INSYN2A: variants seen among roughly 807,000 people sequenced by gnomAD.
The protein encoded by INSYN2A is family with sequence similarity 196 member A.
A neutral mutation model predicts 39.4 loss-of-function variants in INSYN2A; 17 were observed. The ratio of observed to expected loss-of-function variants is 0.43; its 90% confidence interval spans 0.30 to 0.65. INSYN2A has a LOEUF of 0.65. Among genes scored for constraint, INSYN2A ranks in the 30% least tolerant of loss-of-function variants. The pLI is 0.14. For missense variants in INSYN2A, 595 were observed against 631.2 expected, an observed-to-expected ratio of 0.94 and a Z score of 0.61; for synonymous variants, 255 against 265.7, an observed-to-expected ratio of 0.96 and a Z score of 0.39.
intron 4 of INSYN2A, among the ~76,000 whole-genome samples, chr10:127,161,880 T>C (rs1323750787): frequency 1.3e-5 from 2 of 152,126 alleles, no homozygotes; most frequent in Non-Finnish European, 2.9e-5. Flanking sequence ...ATTGAGAAGG[T>C]GTCTTTGTCT....
intron 4 of INSYN2A, among the ~76,000 whole-genome samples, chr10:127,160,738 A>G (rs747024326): frequency 7.9e-5 from 12 of 152,216 alleles, no homozygotes; most frequent in Non-Finnish European, 1.8e-4. Context: ...TTGCAGATAT[A>G]AAAAAGGCAT....
At position 127,176,125 on chromosome 10, in the gene INSYN2A, G is replaced by A. The variant is rs928320163; in HGVS notation, c.271C>T (p.Pro91Ser). ...ACGTTGGGGATGGACCTGCGTGCGG[G>A]CACTGTCATGTATTTGCGGTAGGCT... ...RAAYRKYMTV[P>S]ARRSIPNVTK... is the part of the protein sequence containing the mutation. Residue 91 changes from proline (P) to serine (S), a missense_variant, in exon 4 of 6, where the codon CCC becomes TCC. By Grantham distance (74) the Pro-to-Ser change is moderately conservative (BLOSUM62 -1). This residue lies in a region of INSYN2A where 478 missense variants were observed against 467.4 expected (regional missense o/e 1.02). Transcript: ENST00000522781. This position sits in a 1 kb window ranked among gnomAD's most constrained non-coding sequence, Gnocchi z 4.4. 6.2e-7 allele frequency: 1 copy of A among 1,614,124 alleles called. No homozygotes were observed. Among genetic ancestry groups the A allele is most frequent in the East Asian group, 2.2e-5 (1 of 44,840 alleles).
At chr10:127,184,758 T>C (rs2056070552) in intron 2 of INSYN2A, among the ~76,000 whole-genome samples, 1 of 152,178 alleles carries the variant, frequency 6.6e-6, no homozygotes, top group African/African-American at 2.4e-5. Flanking sequence ...CTTCCACTGG[T>C]TCATTTTCCA....
chr10:127,151,678 A>T (rs2052498532), intron 5 of INSYN2A, among the ~76,000 whole-genome samples: 1 of 152,184 alleles, frequency 6.6e-6, no homozygotes, highest in African/African-American at 2.4e-5. Flanking sequence ...ATGAGTAGTC[A>T]TGCATTTTCC....
chr10:127,174,367 A>G (rs556373207), intron 4 of INSYN2A, among the ~76,000 whole-genome samples: 1 of 152,188 alleles, frequency 6.6e-6, no homozygotes, highest in Non-Finnish European at 1.5e-5. Context: ...AGAGTAGAAC[A>G]GGCTGCTTTG....
At chr10:127,172,041 G>A (rs534030893) in intron 4 of INSYN2A, among the ~76,000 whole-genome samples, 1 of 152,288 alleles carries the variant, frequency 6.6e-6, no homozygotes, top group Admixed American at 6.5e-5. Context: ...TGAGTTCATT[G>A]TCGTATCATA....
intron 4 of INSYN2A, among the ~76,000 whole-genome samples, chr10:127,167,927 G>A (rs1172057532): frequency 6.6e-6 from 1 of 152,178 alleles, no homozygotes; most frequent in Non-Finnish European, 1.5e-5. Context: ...TTGGAGGGTT[G>A]CTTCCCAGTA....
intron 5 of INSYN2A, among the ~76,000 whole-genome samples, chr10:127,149,987 C>T (rs2052331310): frequency 6.6e-6 from 1 of 152,158 alleles, no homozygotes; most frequent in Non-Finnish European, 1.5e-5. Context: ...GCTATACTTT[C>T]CCCTGCTGCT....
At chr10:127,143,241 T>G (rs2051449067) in intron 5 of INSYN2A, among the ~76,000 whole-genome samples, 1 of 152,212 alleles carries the variant, frequency 6.6e-6, no homozygotes, top group African/African-American at 2.4e-5. Context: ...GACAATCTGG[T>G]GCCCCGGAGC....
At chr10:127,184,462 G>C (rs983864473) in intron 2 of INSYN2A, among the ~76,000 whole-genome samples, 34 of 151,674 alleles carry the variant, frequency 2.2e-4, no homozygotes, top group African/African-American at 8.0e-4. Context: ...CCTGCCCTCA[G>C]CTCTCCATTC....
In INSYN2A at chr10:127,168,458, CTT is replaced by C. The variant is rs1378675250; in HGVS notation, c.1184+6752_1184+6753del. On this transcript the variant is annotated intron_variant, in intron 4 of 5. Coordinates refer to ENST00000522781, the MANE Select transcript of INSYN2A (RefSeq NM_001039762.3). ...TCTCTCTGCTGCTCACAATGCCCTGCTTTTCTGTGATGCATCTGGCCAGAGCC... is the reference window on the plus strand; with the variant it reads ...TCTCTCTGCTGCTCACAATGCCCTGCTTCTGTGATGCATCTGGCCAGAGCC... 2.6e-5 allele frequency among the ~76,000 whole-genome samples: 4 copies of C among 152,246 alleles called. No homozygotes were observed. In the East Asian group the frequency reaches 7.7e-4, roughly 29 times the overall value.
At chr10:127,138,345 T>A (rs2050891176) in intron 5 of INSYN2A, among the ~76,000 whole-genome samples, 1 of 152,182 alleles carries the variant, frequency 6.6e-6, no homozygotes, top group Non-Finnish European at 1.5e-5. Context: ...TCTGTTCACA[T>A]GGGCCTCATG....
intron 2 of INSYN2A, among the ~76,000 whole-genome samples, chr10:127,183,620 G>A (rs914595611): frequency 5.3e-5 from 8 of 152,030 alleles, no homozygotes; most frequent in South Asian, 4.2e-4. Flanking sequence ...TAATCTTCTC[G>A]GCCCTCATAC....
chr10:127,149,464 G>A (rs563056974), intron 5 of INSYN2A, among the ~76,000 whole-genome samples: 11 of 152,154 alleles, frequency 7.2e-5, no homozygotes, highest in Non-Finnish European at 1.2e-4. Flanking sequence ...AATATGTACC[G>A]CCTCCCATGG....
chr10:127,195,422 C>G (rs1192420991), intron 1 of INSYN2A, among the ~76,000 whole-genome samples: 2 of 152,120 alleles, frequency 1.3e-5, no homozygotes, highest in Non-Finnish European at 2.9e-5. Flanking sequence ...GTGCCAACCC[C>G]AGCGAGTGGA....
In INSYN2A at chr10:127,175,105, C is replaced by A; in HGVS notation, c.1184+107G>T. The A allele has an allele frequency of 1.0e-6, 1 of 990,204 alleles. No homozygotes were observed. The highest frequency in any genetic ancestry group is 1.5e-6 in the Non-Finnish European group (1 of 652,182). 61.3% of individuals were successfully genotyped at this position (990,204 alleles called of 1,614,324 possible). On this transcript the variant is annotated intron_variant, in intron 4 of 5. Coordinates refer to ENST00000522781, the MANE Select transcript of INSYN2A (RefSeq NM_001039762.3). This position sits in a 1 kb window ranked among gnomAD's most constrained non-coding sequence, Gnocchi z 6.3. The stretch of plus-strand genomic sequence containing the variant: ...ACGCCCTTAGACTATGACCTGTTTA[C>A]GGAAATGCTGGCTTTAGTCTCATTA...
chr10:127,143,983 C>A (rs150708256), intron 5 of INSYN2A, among the ~76,000 whole-genome samples: 108 of 152,302 alleles, frequency 7.1e-4, no homozygotes, highest in African/African-American at 2.5e-3. Flanking sequence ...CCCTGGATGA[C>A]TGCAGACCCT....
At chr10:127,154,051 A>G (rs1287763798) in intron 4 of INSYN2A, 128 bp from the exon 5 acceptor site, 1 of 678,290 alleles carries the variant, frequency 1.5e-6, no homozygotes, top group Non-Finnish European at 2.7e-6. Context: ...TGATTAATGC[A>G]TGCTTCCCAG....
At chr10:127,140,928 C>T (rs1186473880) in intron 5 of INSYN2A, among the ~76,000 whole-genome samples, 1 of 152,176 alleles carries the variant, frequency 6.6e-6, no homozygotes, top group South Asian at 2.1e-4. Context: ...CAGATAGTGC[C>T]TGGGGGCCTG....
Sources: gnomAD v4.1 joint callset for allele counts (sites outside exome capture counted in the v4.1 genomes callset) on GRCh38, gnomAD v4.1.1 for gene constraint, gnomAD v4.1.1 regional missense constraint, Gnocchi (gnomAD v3.1) non-coding constraint, MANE v1.5 for transcripts, NCBI Gene and HGNC (gene_info 2026-07-23, HGNC 2026-07-21) for gene names.